The following DUOX1 variants were observed in gnomAD, a reference collection of about 807,000 sequenced individuals.
The protein encoded by DUOX1 is NADPH thyroid oxidase 1.
In DUOX1, 134 loss-of-function variants were observed where a neutral mutation model predicts 181.8. The observed-to-expected ratio is 0.74, with a 90% CI of 0.64 to 0.85. DUOX1 has a LOEUF of 0.85. DUOX1 is among the 40% of genes least tolerant of loss of function. DUOX1 has a pLI of 0.00. For missense variants in DUOX1, 1,814 were observed against 2,064.4 expected, an observed-to-expected ratio of 0.88 and a Z score of 2.35; for synonymous variants, 798 against 832.5, an observed-to-expected ratio of 0.96 and a Z score of 0.71.
intron 22 of DUOX1, among the ~76,000 whole-genome samples, chr15:45,150,921 GA>G (rs1896785075): frequency 6.6e-6 from 1 of 152,220 alleles, no homozygotes. Context: ...ATGCCCTTGT[GA>G]AGGGTAAAGG....
At chr15:45,163,259 G>A (rs1459024107) in intron 31 of DUOX1, among the ~76,000 whole-genome samples, 2 of 152,184 alleles carry the variant, frequency 1.3e-5, no homozygotes, top group Non-Finnish European at 2.9e-5. Flanking sequence ...GAGCATGAAA[G>A]CTGCTTCCCA....
Position 45,135,899 on chromosome 15 carries a change from A to G in DUOX1, c.815A>G (p.Asp272Gly). Reference protein sequence around the residue: ...RLARQHPDWEDEELFQHARKR... With the variant: ...RLARQHPDWEGEELFQHARKR... ...GCCCGCCAGCACCCAGACTGGGAGG[A>G]CGAGGAGCTGTTCCAGCACGCACGC... Residue 272 changes from aspartate to glycine, a missense_variant, in exon 7 of 34, where the codon GAC (aspartate) becomes GGC (glycine). By Grantham distance (94) the Asp-to-Gly change is moderately conservative (BLOSUM62 -1). This residue lies in a region of DUOX1 where 27 missense variants were observed against 90.8 expected (regional missense o/e 0.30). Coordinates refer to ENST00000389037, the MANE Select transcript of DUOX1 (RefSeq NM_175940.3). 6.9e-7 allele frequency: 1 copy of G among 1,459,236 alleles called. No homozygotes were observed. The highest frequency in any genetic ancestry group is 9.2e-7 in the Non-Finnish European group (1 of 1,084,540). The allele number at this position is 1,459,236 out of a possible 1,614,324, so 90.4% of individuals were successfully genotyped here.
intron 18 of DUOX1, 146 bp from the exon 19 acceptor site, chr15:45,147,287 C>A: frequency 9.6e-7 from 1 of 1,039,086 alleles, no homozygotes; most frequent in Non-Finnish European, 1.4e-6. Context: ...GTAGAACAAA[C>A]ATGGCCTCAG....
intron 18 of DUOX1, among the ~76,000 whole-genome samples, chr15:45,147,137 T>C (rs1269779911): frequency 6.6e-6 from 1 of 152,214 alleles, no homozygotes; most frequent in East Asian, 1.9e-4. Context: ...TTACTTGATC[T>C]CTAAGTGGCT....
Position 45,160,738 on chromosome 15 carries a change from T to C in DUOX1, c.3703-99T>C, listed in dbSNP as rs1022256216. 1,079 of 1,331,370 alleles carry C rather than the reference T, an allele frequency of 8.1e-4. 9 individuals carry two copies. Among genetic ancestry groups the C allele is most frequent in the Non-Finnish European group, 1.4e-4 (147 of 1,032,698 alleles). 82.5% of individuals were successfully genotyped at this position (1,331,370 alleles called of 1,614,324 possible). A position where few individuals can be genotyped will look rare whatever the true frequency, so the allele number is the denominator to read the frequency against. ...GGTACGTGGTGAGGTGGGGGCTGGA[T>C]ATACCAGCGGGGAAGTATGGAGGGT... On this transcript the variant is annotated intron_variant, in intron 28 of 33. Coordinates refer to ENST00000389037, the MANE Select transcript of DUOX1 (RefSeq NM_175940.3).
chr15:45,144,200 A>G lies in DUOX1; in HGVS notation c.2101A>G (p.Thr701Ala), dbSNP rs1896587340. ...CCTGTCCAGCAACCGTGGACGCCGC[A>G]CTCTGCTGCTCAAGATCCCCAAGGA... ...FVLSSNRGRR[T>A]LLLKIPKEYD... The change falls in exon 17 of 34, where the codon ACT (threonine) becomes GCT (alanine). Residue 701 changes from threonine to alanine, a missense_variant. Physicochemically the swap from Thr to Ala is moderately conservative, Grantham distance 58. This residue lies in a region of DUOX1 where 1,064 missense variants were observed against 1,152.9 expected (regional missense o/e 0.92). Coordinates refer to ENST00000389037, the MANE Select transcript of DUOX1 (RefSeq NM_175940.3). 1 of 1,614,052 alleles carries G rather than the reference A, an allele frequency of 6.2e-7. No homozygotes were observed. The highest frequency in any genetic ancestry group is 8.5e-7 in the Non-Finnish European group (1 of 1,180,030).
rs565428228 is a variant in DUOX1 at position 45,139,053 on chromosome 15, C to G, written c.1114-13C>G. 1.2e-6 allele frequency: 2 copies of G among 1,611,596 alleles called. No individual in the cohort carries two copies. The highest frequency in any genetic ancestry group is 3.3e-5 in the Admixed American group (2 of 59,846). ...AACCACACCCCTTTCCTCCCCACCC[C>G]CAACCTATAAAGCACCCAAGCCTAC... On this transcript the variant is annotated splice_polypyrimidine_tract_variant and intron_variant, in intron 10 of 33. Transcript: ENST00000389037.
chr15:45,138,221 G>A (rs1896387137), intron 10 of DUOX1, among the ~76,000 whole-genome samples: 2 of 152,156 alleles, frequency 1.3e-5, no homozygotes, highest in Non-Finnish European at 2.9e-5. Flanking sequence ...AGGTGACCAG[G>A]TAGCTGAACA....
chr15:45,163,478 G>T (rs1567022730), intron 31 of DUOX1, 54 bp from the exon 32 acceptor site: 1 of 1,608,766 alleles, frequency 6.2e-7, no homozygotes, highest in East Asian at 2.2e-5. Flanking sequence ...ACACCCCTGG[G>T]GTTTAGGGAG....
chr15:45,153,085 G>A (rs1323884884), intron 25 of DUOX1: 1 of 377,070 alleles, frequency 2.7e-6, no homozygotes, highest in East Asian at 5.1e-5. Context: ...GCTGGGTGTG[G>A]TGGCACATGC....
Position 45,151,015 on chromosome 15 carries a change from A to T in DUOX1, c.2889-108A>T. On this transcript the variant is annotated intron_variant, in intron 22 of 33. Coordinates refer to ENST00000389037, the MANE Select transcript of DUOX1 (RefSeq NM_175940.3). ...TGGGAATCCTGCTGTCCCCTTGCTG[A>T]CAGCTCTGATCCTTCCTCAGCAGAA... 12 of 1,495,372 alleles carry T rather than the reference A, an allele frequency of 8.0e-6. 1 individual carries two copies. In the Admixed American group the frequency reaches 1.8e-4, roughly 23 times the overall value. The allele number at this position is 1,495,372 out of a possible 1,614,324, so 92.6% of individuals were successfully genotyped here.
chr15:45,136,936 G>A (rs1390001723), intron 9 of DUOX1, among the ~76,000 whole-genome samples: 1 of 152,034 alleles, frequency 6.6e-6, no homozygotes, highest in East Asian at 1.9e-4. Context: ...ACTACACTGG[G>A]GACATTTTTA....
intron 29 of DUOX1, 85 bp from the exon 30 acceptor site, chr15:45,161,653 C>A: frequency 8.2e-7 from 1 of 1,215,100 alleles, no homozygotes; most frequent in Non-Finnish European, 1.2e-6. Context: ...AGAAGCAGAG[C>A]TGAGGCTGTG....
chr15:45,136,766 C>G (rs928089641), intron 9 of DUOX1, 141 bp downstream of exon 9: 1 of 750,318 alleles, frequency 1.3e-6, no homozygotes, highest in Non-Finnish European at 2.2e-6. Context: ...GGGAAGAAAA[C>G]AATTGTTTTA....
Position 45,136,419 on chromosome 15 carries a change from G to A in DUOX1, c.925+9G>A, listed in dbSNP as rs760729601. On this transcript the variant is annotated intron_variant, in intron 8 of 33. Transcript: ENST00000389037. ...ACTCCCGGAGTATACAGGTGAGGGAGCGGGGAAGGAGGATGGGAGGGCTTG... is the reference window on the plus strand; with the variant it reads ...ACTCCCGGAGTATACAGGTGAGGGAACGGGGAAGGAGGATGGGAGGGCTTG... The A allele has an allele frequency of 9.3e-6, 15 of 1,614,050 alleles. No homozygotes were observed. The highest frequency in any genetic ancestry group is 1.3e-5 in the African/African-American group (1 of 74,942).
rs528805701 is a variant in DUOX1 at position 45,142,075 on chromosome 15, C to T, written c.1785C>T (p.Phe595=). ...ATTTTGAGGGCAGTGGATTTGGCTT[C>T]GGGGTCACCATCGGGACCCTCTGTT... The part of the protein sequence containing the change: ...RDYFEGSGFG[F]GVTIGTLCCF... The change falls in exon 15 of 34, where the codon TTC becomes TTT. Residue 595 remains phenylalanine, a synonymous_variant. Transcript: ENST00000389037. The T allele has an allele frequency of 1.5e-5, 25 of 1,614,042 alleles. No individual in the cohort carries two copies. In the South Asian group the frequency reaches 2.3e-4, roughly 15 times the overall value.
intron 21 of DUOX1, chr15:45,150,320 G>A: frequency 3.2e-6 from 1 of 309,134 alleles, no homozygotes; most frequent in Non-Finnish European, 6.0e-6. Flanking sequence ...GGCAGAGCAG[G>A]CTCAGAAGGC....
intron 31 of DUOX1, among the ~76,000 whole-genome samples, chr15:45,163,071 G>A (rs963870550): frequency 4.6e-5 from 7 of 152,158 alleles, no homozygotes; most frequent in East Asian, 1.9e-4. Flanking sequence ...TTCCTCCCTC[G>A]GAAGCTGCAG....
At chr15:45,136,660 G>A (rs183712963) in intron 9 of DUOX1, 35 bp downstream of exon 9, 7 of 1,605,848 alleles carry the variant, frequency 4.4e-6, no homozygotes, top group South Asian at 1.1e-5. Flanking sequence ...TGTGCTGGGA[G>A]GGATGGGGCT....
Sources: allele counts gnomAD v4.1 joint callset (sites outside exome capture counted in the v4.1 genomes callset), GRCh38; gene constraint gnomAD v4.1.1; regional missense constraint gnomAD v4.1.1; transcripts MANE v1.5; gene names NCBI Gene and HGNC (gene_info 2026-07-23, HGNC 2026-07-21).